Variants in RNF152 observed in about 807,000 individuals in gnomAD.
The protein encoded by RNF152 is ring finger protein 152.
In RNF152, 11 loss-of-function variants were observed where a neutral mutation model predicts 12.7. The observed-to-expected ratio is 0.86, with a 90% CI of 0.54 to 1.43. The LOEUF (loss-of-function observed/expected upper bound fraction) is 1.43. Among genes scored for constraint, RNF152 ranks in the 40% most tolerant of loss-of-function variants. The pLI is 0.00. For synonymous variants in RNF152, 113 were observed against 120.3 expected (o/e 0.94, Z 0.40); for missense variants, 255 against 274.8 (o/e 0.93, Z 0.51).
rs1268315006 is a variant in RNF152, at chr18:61,809,991, G to C, written c.*5861C>G. The C allele has an allele frequency of 1.3e-5, 2 of 152,018 alleles. No homozygotes were observed. The highest frequency in any genetic ancestry group is 1.9e-4 in the East Asian group (1 of 5,184). The allele number at this position is 152,018 out of a possible 1,614,324, so 9.4% of individuals were successfully genotyped here. ...CCACTTGAGCAGATCCAAAAAATAA[G>C]GTATTTGGAAGAAATTAAATGCCCC... On this transcript the variant is annotated 3_prime_UTR_variant, in exon 2 of 2. Coordinates refer to ENST00000312828, the MANE Select transcript of RNF152 (RefSeq NM_173557.3).
At chr18:61,862,459 A>G (rs1212051950) in intron 1 of RNF152, among the ~76,000 whole-genome samples, 1 of 152,208 alleles carries the variant, frequency 6.6e-6, no homozygotes, top group African/African-American at 2.4e-5. Flanking sequence ...GGGAGGGAAG[A>G]TTTCTGACTG....
At chr18:61,860,144 G>A (rs1296017140) in intron 1 of RNF152, among the ~76,000 whole-genome samples, 1 of 152,126 alleles carries the variant, frequency 6.6e-6, no homozygotes, top group East Asian at 1.9e-4. Flanking sequence ...CTGGGGAAGG[G>A]AGGAAGGGTT....
rs571573236 is a variant in RNF152 at position 61,852,202 on chromosome 18, C to A, written c.-135-35604G>T. Among the ~76,000 whole-genome samples the A allele has an allele frequency of 2.0e-5, 3 of 152,174 alleles. No homozygotes were observed. In the East Asian group the frequency reaches 5.8e-4, roughly 29 times the overall value. ...GATTATTTCTCCTCCAAACTGGAAA[C>A]ATAAGGACATAAGACAGAAGTAAAA... On this transcript the variant is annotated intron_variant, in intron 1 of 1. Transcript: ENST00000312828.
At chr18:61,866,922 C>T (rs1044074993) in intron 1 of RNF152, among the ~76,000 whole-genome samples, 2 of 152,208 alleles carry the variant, frequency 1.3e-5, no homozygotes, top group Non-Finnish European at 2.9e-5. Flanking sequence ...GACTTAGGGG[C>T]TTGTCCCAAA....
intron 1 of RNF152, among the ~76,000 whole-genome samples, chr18:61,820,020 CAAAAAAAAAA>C (rs1165545204): frequency 1.6e-5 from 1 of 64,386 alleles, no homozygotes; most frequent in Non-Finnish European, 2.9e-5. Flanking sequence ...GACACTATCT[CAAAAAAAAAA>C]AAAAAAAAAA....
intron 1 of RNF152, among the ~76,000 whole-genome samples, chr18:61,837,854 C>G (rs147595753): frequency 6.6e-6 from 1 of 152,346 alleles, no homozygotes; most frequent in East Asian, 1.9e-4. Context: ...CTCACAGCAG[C>G]CAAATGCATT....
At chr18:61,862,289 G>T (rs770851079) in intron 1 of RNF152, among the ~76,000 whole-genome samples, 6 of 152,178 alleles carry the variant, frequency 3.9e-5, no homozygotes, top group Non-Finnish European at 7.3e-5. Flanking sequence ...AATGTGTGTG[G>T]CAGAGGAGGC....
intron 1 of RNF152, among the ~76,000 whole-genome samples, chr18:61,848,482 A>G (rs1372908632): frequency 1.3e-5 from 2 of 152,244 alleles, no homozygotes; most frequent in African/African-American, 2.4e-5. Flanking sequence ...AGAAGTCAGT[A>G]ACAGAATAGC....
rs1205293567 is a variant in RNF152 at position 61,810,627 on chromosome 18, A to C, written c.*5225T>G. 6.6e-6 allele frequency: 1 copy of C among 152,210 alleles called. No individual in the cohort carries two copies. Among genetic ancestry groups the C allele is most frequent in the Non-Finnish European group, 1.5e-5 (1 of 68,052 alleles). 9.4% of individuals were successfully genotyped at this position (152,210 alleles called of 1,614,324 possible). On this transcript the variant is annotated 3_prime_UTR_variant, in exon 2 of 2. Transcript: ENST00000312828. ...CATGCCATTGCACTCTGGCCTGGGC[A>C]CCAAGAGCAAAACTCCATCTCATAA...
intron 1 of RNF152, among the ~76,000 whole-genome samples, chr18:61,891,849 T>G: frequency 6.6e-6 from 1 of 152,316 alleles, no homozygotes; most frequent in Middle Eastern, 3.4e-3. Flanking sequence ...GTTACTGCAA[T>G]GTAAAAGAGA....
At chr18:61,840,428 T>C (rs1910398914) in intron 1 of RNF152, among the ~76,000 whole-genome samples, 1 of 152,148 alleles carries the variant, frequency 6.6e-6, no homozygotes, top group Non-Finnish European at 1.5e-5. Context: ...CAAGGGGCTG[T>C]GGCACAGGGC....
intron 1 of RNF152, among the ~76,000 whole-genome samples, chr18:61,891,880 C>G (rs1305143847): frequency 2.0e-5 from 3 of 152,212 alleles, no homozygotes; most frequent in Admixed American, 6.5e-5. Flanking sequence ...AGCCTTTGGC[C>G]CTCAGCAATC....
intron 1 of RNF152, among the ~76,000 whole-genome samples, chr18:61,891,836 G>C (rs1912972634): frequency 6.6e-6 from 1 of 152,204 alleles, no homozygotes; most frequent in Non-Finnish European, 1.5e-5. Flanking sequence ...CAGATACCAA[G>C]GTGTTACTGC....
At chr18:61,862,462 TCTGA>T (rs2144719056) in intron 1 of RNF152, among the ~76,000 whole-genome samples, 1 of 152,294 alleles carries the variant, frequency 6.6e-6, no homozygotes, top group East Asian at 1.9e-4. Context: ...AGGGAAGATT[TCTGA>T]CTGAGGGGCT....
rs1331214036 is a variant in RNF152, at chr18:61,813,275, C to CTG, written c.*2576_*2577insCA. 2 of 90,640 alleles carry CTG rather than the reference C, an allele frequency of 2.2e-5. No individual in the cohort carries two copies. 5.6% of individuals were successfully genotyped at this position (90,640 alleles called of 1,614,324 possible). A position where few individuals can be genotyped will look rare whatever the true frequency, so the allele number is the denominator to read the frequency against. On this transcript the variant is annotated 3_prime_UTR_variant, in exon 2 of 2. Coordinates refer to ENST00000312828, the MANE Select transcript of RNF152 (RefSeq NM_173557.3). Reference sequence around the variant, plus strand: ...ACTGAGATTCTCTCTCTCTCTCTCTCTCTCACACACACACACACACACACA... The same window carrying CTG: ...ACTGAGATTCTCTCTCTCTCTCTCTCTGTCTCACACACACACACACACACACA...
At position 61,857,504 on chromosome 18, in the gene RNF152, C is replaced by T. The variant is rs111670441; in HGVS notation, c.-136+35291G>A. 3.3e-5 allele frequency among the ~76,000 whole-genome samples: 5 copies of T among 152,248 alleles called. 1 individual carries two copies. Among genetic ancestry groups the T allele is most frequent in the African/African-American group, 1.2e-4 (5 of 41,548 alleles). Reference sequence around the variant, plus strand: ...TCAAAAGCCATAAAAATGGCTTTTTCTCTTCAAACAGCAACAGGCAAGAGA... The same window carrying T: ...TCAAAAGCCATAAAAATGGCTTTTTTTCTTCAAACAGCAACAGGCAAGAGA... On this transcript the variant is annotated intron_variant, in intron 1 of 1. Coordinates refer to ENST00000312828, the MANE Select transcript of RNF152 (RefSeq NM_173557.3).
Position 61,816,241 on chromosome 18 carries a change from C to A in RNF152, c.223G>T (p.Val75Phe). The change falls in exon 2 of 2, where the codon GTC becomes TTC. Residue 75 changes from valine to phenylalanine, a missense_variant. Coordinates refer to ENST00000312828, the MANE Select transcript of RNF152 (RefSeq NM_173557.3). ...TGTGGAATGGCGATGACAGCCAGGA[C>A]CTCCGGGTCGTCCGGGAGCTGCGAC... is the stretch of plus-strand genomic sequence containing the variant. Reference protein sequence around the residue: ...SVSQLPDDPEVLAVIAIPHTS... With the variant: ...SVSQLPDDPEFLAVIAIPHTS... The A allele has an allele frequency of 6.2e-7, 1 of 1,614,210 alleles. No individual in the cohort carries two copies. Among genetic ancestry groups the A allele is most frequent in the South Asian group, 1.1e-5 (1 of 91,074 alleles).
At position 61,887,000 on chromosome 18, in the gene RNF152, A is replaced by G. The variant is rs531691842; in HGVS notation, c.-136+5795T>C. Among the ~76,000 whole-genome samples, 64 of 152,368 alleles carry G rather than the reference A, an allele frequency of 4.2e-4. No homozygotes were observed. The Middle Eastern group carries it at 0.01, about 24-fold the overall frequency. ...GGCTTCGATGATAGGATAGAGGCAG[A>G]GGAAGGAAGAGGACATTTTAGGCCA... On this transcript the variant is annotated intron_variant, in intron 1 of 1. Coordinates refer to ENST00000312828, the MANE Select transcript of RNF152 (RefSeq NM_173557.3).
At chr18:61,829,919 T>C (rs1015110648) in intron 1 of RNF152, among the ~76,000 whole-genome samples, 1 of 152,156 alleles carries the variant, frequency 6.6e-6, no homozygotes, top group Admixed American at 6.5e-5. Flanking sequence ...GGCGTTATTA[T>C]TGCTATTAAT....
Sources: allele counts gnomAD v4.1 joint callset (sites outside exome capture counted in the v4.1 genomes callset), GRCh38; gene constraint gnomAD v4.1.1; transcripts MANE v1.5; gene names NCBI Gene and HGNC (gene_info 2026-07-23, HGNC 2026-07-21).